Variants in PARD3 observed in about 807,000 individuals in gnomAD.
The protein encoded by PARD3 is par-3 family cell polarity regulator, also known as partitioning defective 3 homolog.
In PARD3, 75 loss-of-function variants were observed where a neutral mutation model predicts 155.4. That is an observed-to-expected ratio of 0.48 (90% CI 0.40 to 0.58). The LOEUF (loss-of-function observed/expected upper bound fraction) is 0.58, where lower values mean the gene tolerates loss of function less well. PARD3 is among the 20% of genes least tolerant of loss of function. The probability of loss-of-function intolerance (pLI) is 0.00; values close to 1 mark genes in which losing one functional copy is unlikely to be tolerated. For missense variants in PARD3, 1,642 were observed against 1,721.7 expected (o/e 0.95, Z 0.82); for synonymous variants, 576 against 610.5 (o/e 0.94, Z 0.83).
At chr10:34,321,137 A>T (rs144807296) in intron 19 of PARD3, among the ~76,000 whole-genome samples, 1,664 of 152,340 alleles carry the variant, frequency 0.011, 35 homozygotes, top group African/African-American at 0.038. Flanking sequence ...CTGATGTACT[A>T]GTCAGATTTT....
intron 2 of PARD3, among the ~76,000 whole-genome samples, chr10:34,656,723 T>G (rs1430052376): frequency 2.0e-5 from 3 of 152,198 alleles, no homozygotes; most frequent in African/African-American, 4.8e-5. Flanking sequence ...CCATTAATTA[T>G]GTACATGCTG....
At chr10:34,304,471 T>C (rs1184401892) in intron 20 of PARD3, among the ~76,000 whole-genome samples, 1 of 152,190 alleles carries the variant, frequency 6.6e-6, no homozygotes. Flanking sequence ...GCTAGTAACA[T>C]GTGAGTGCTT....
intron 2 of PARD3, among the ~76,000 whole-genome samples, chr10:34,591,439 CAT>C (rs1304378266): frequency 3.3e-5 from 5 of 152,302 alleles, no homozygotes; most frequent in South Asian, 4.1e-4. Context: ...GTTTCTACCA[CAT>C]GTCGAACATT....
chr10:34,193,146 A>G (rs1029235884), intron 22 of PARD3, among the ~76,000 whole-genome samples: 4 of 152,216 alleles, frequency 2.6e-5, no homozygotes, highest in African/African-American at 7.2e-5. Context: ...ATTTCTTTAC[A>G]TGCTACCTTA....
intron 1 of PARD3, among the ~76,000 whole-genome samples, chr10:34,698,462 A>G (rs932341990): frequency 6.6e-6 from 1 of 152,136 alleles, no homozygotes; most frequent in Non-Finnish European, 1.5e-5. Flanking sequence ...CTGTCCATCA[A>G]GACTTCTCAG....
At chr10:34,117,194 C>A (rs1449536870) in intron 24 of PARD3, among the ~76,000 whole-genome samples, 1 of 152,224 alleles carries the variant, frequency 6.6e-6, no homozygotes, top group Non-Finnish European at 1.5e-5. Flanking sequence ...ATTATACACA[C>A]TTTGTTATGT....
At chr10:34,454,304 A>C (rs1564732349) in intron 4 of PARD3, among the ~76,000 whole-genome samples, 1 of 152,246 alleles carries the variant, frequency 6.6e-6, no homozygotes, top group East Asian at 1.9e-4. Context: ...TGATGGAAAG[A>C]TATCCATAAA....
chr10:34,659,282 A>T (rs906730188), intron 2 of PARD3, among the ~76,000 whole-genome samples: 6 of 152,222 alleles, frequency 3.9e-5, no homozygotes, highest in Non-Finnish European at 4.4e-5. Context: ...TTTTGTTCCC[A>T]ACATTTAAAA....
chr10:34,620,206 T>C (rs1021489237), intron 2 of PARD3, among the ~76,000 whole-genome samples: 1 of 152,196 alleles, frequency 6.6e-6, no homozygotes, highest in Non-Finnish European at 1.5e-5. Context: ...GCCACCAATT[T>C]ATTCAGAAGA....
At chr10:34,810,489 G>T (rs543933229) in intron 1 of PARD3, among the ~76,000 whole-genome samples, 14 of 152,184 alleles carry the variant, frequency 9.2e-5, no homozygotes, top group Admixed American at 2.0e-4. Flanking sequence ...GAAGCCAGAG[G>T]CCCCAATAAT....
Position 34,472,508 on chromosome 10 carries a change from G to A in PARD3, c.404-2245C>T, listed in dbSNP as rs535623977. ...GGAAAAAAGCAACAAAATGGGGAGA[G>A]GTGGGCAGGAAAACTCTAAAAACTT... On this transcript the variant is annotated intron_variant, in intron 3 of 24. Transcript: ENST00000374788. Among the ~76,000 whole-genome samples the A allele has an allele frequency of 5.3e-5, 8 of 152,272 alleles. No homozygotes were observed. In the South Asian group the frequency reaches 1.7e-3, roughly 32 times the overall value.
chr10:34,276,257 AAT>A (rs1459383790), intron 21 of PARD3, among the ~76,000 whole-genome samples: 1 of 152,162 alleles, frequency 6.6e-6, no homozygotes, highest in Non-Finnish European at 1.5e-5. Context: ...TAAAAAAAAA[AAT>A]AAAGTGTTCC....
Position 34,347,977 on chromosome 10 carries a change from T to C in PARD3, c.2206A>G (p.Ser736Gly), listed in dbSNP as rs376160781. The C allele has an allele frequency of 2.5e-6, 4 of 1,612,394 alleles. No individual in the cohort carries two copies. Among genetic ancestry groups the C allele is most frequent in the South Asian group, 2.2e-5 (2 of 90,502 alleles). Residue 736 changes from serine (S) to glycine (G), a missense_variant, in exon 15 of 25, where the codon AGT becomes GGT. By Grantham distance (56) the Ser-to-Gly change is moderately conservative. Coordinates refer to ENST00000374788, the MANE Select transcript of PARD3 (RefSeq NM_001184785.2). ...DESPSRNAALSRIMGKYQLSP... is the reference protein window; with the variant it reads ...DESPSRNAALGRIMGKYQLSP... The stretch of plus-strand genomic sequence containing the variant: ...TTACCTGACTCACCCATTATCCTAC[T>C]GAGGGCAGCATTTCTGCTGGGCGAT...
At chr10:34,557,198 C>G (rs756640081) in intron 2 of PARD3, among the ~76,000 whole-genome samples, 1 of 152,224 alleles carries the variant, frequency 6.6e-6, no homozygotes, top group African/African-American at 2.4e-5. Context: ...TGCTCATCTC[C>G]GAGTATGTTG....
At chr10:34,515,241 G>C (rs1161002230) in intron 3 of PARD3, among the ~76,000 whole-genome samples, 1 of 152,098 alleles carries the variant, frequency 6.6e-6, no homozygotes, top group Non-Finnish European at 1.5e-5. Context: ...GAAAAACACT[G>C]CCCAAAGCAA....
rs566478040 is a variant in PARD3 at position 34,159,745 on chromosome 10, C to T, written c.3420-28162G>A. On this transcript the variant is annotated intron_variant, in intron 22 of 24. Coordinates refer to ENST00000374788, the MANE Select transcript of PARD3 (RefSeq NM_001184785.2). ...GGCTCTATTCTAGGCACTTGGGCCT[C>T]ACAACAATTCTAGTAGGTGAGTTCT... 5.3e-5 allele frequency among the ~76,000 whole-genome samples: 8 copies of T among 152,304 alleles called. 1 individual carries two copies. The Middle Eastern group carries it at 0.014, about 259-fold the overall frequency.
intron 5 of PARD3, among the ~76,000 whole-genome samples, chr10:34,441,951 A>G (rs1042349663): frequency 3.9e-5 from 6 of 152,224 alleles, no homozygotes; most frequent in Non-Finnish European, 7.3e-5. Context: ...GATTTATCTT[A>G]TAAAATAGAA....
At chr10:34,348,561 A>T (rs1837671337) in intron 14 of PARD3, among the ~76,000 whole-genome samples, 1 of 152,220 alleles carries the variant, frequency 6.6e-6, no homozygotes, top group South Asian at 2.1e-4. Context: ...TACATCTAAC[A>T]ATTAGCACAC....
intron 22 of PARD3, among the ~76,000 whole-genome samples, chr10:34,258,570 T>C (rs1385915812): frequency 3.3e-5 from 5 of 152,118 alleles, no homozygotes; most frequent in African/African-American, 1.2e-4. Flanking sequence ...CATTCCCAGC[T>C]GGTGGTGCTG....
Sources: gnomAD v4.1 joint callset for allele counts (sites outside exome capture counted in the v4.1 genomes callset) on GRCh38, gnomAD v4.1.1 for gene constraint, MANE v1.5 for transcripts, NCBI Gene and HGNC (gene_info 2026-07-23, HGNC 2026-07-21) for gene names.